The following ACSS3 variants were observed in gnomAD, a reference collection of about 807,000 sequenced individuals.
The protein encoded by ACSS3 is acyl-CoA synthetase short-chain family member 3, mitochondrial.
In ACSS3, 64 loss-of-function variants were observed where a neutral mutation model predicts 84.2. That is an observed-to-expected ratio of 0.76 (90% CI 0.62 to 0.94). The LOEUF (loss-of-function observed/expected upper bound fraction) is 0.94. Ranked by LOEUF, ACSS3 falls within the 40% of genes least tolerant of loss-of-function variation. ACSS3 has a pLI of 0.00. For missense variants in ACSS3, 815 were observed against 867.6 expected (o/e 0.94, Z 0.76); for synonymous variants, 317 against 310.1 (o/e 1.02, Z -0.23).
rs1385226528 is a variant in ACSS3, at chr12:81,078,344, G to A, written c.224G>A (p.Arg75Lys). The A allele has an allele frequency of 6.2e-7, 1 of 1,612,706 alleles. No homozygotes were observed. The highest frequency in any genetic ancestry group is 1.3e-5 in the African/African-American group (1 of 75,020). The part of the protein sequence containing the change: ...HFAASVTDPE[R>K]FWGKAAEQIS... The stretch of plus-strand genomic sequence containing the variant: ...GCAGCCTCGGTGACCGACCCCGAGA[G>A]GTTCTGGGGCAAAGCTGCCGAGCAG... Residue 75 changes from arginine to lysine, a missense_variant, in exon 1 of 16, where the codon AGG (arginine) becomes AAG (lysine). Transcript: ENST00000548058.
At position 81,253,563 on chromosome 12, in the gene ACSS3, G is replaced by A; in HGVS notation, c.1888G>A (p.Val630Met). Residue 630 changes from valine (V) to methionine (M), a missense_variant, in exon 15 of 16, where the codon GTG becomes ATG. By Grantham distance (21) the Val-to-Met change is conservative. Coordinates refer to ENST00000548058, the MANE Select transcript of ACSS3 (RefSeq NM_024560.4). ...ACACGTTAGACAGAACATTGGCCCT[G>A]TGGCTGCTTTTCGAAATGCAGTGTT... ...VKHVRQNIGPVAAFRNAVFVK... is the reference protein window; with the variant it reads ...VKHVRQNIGPMAAFRNAVFVK... 1 of 1,613,980 alleles carries A rather than the reference G, an allele frequency of 6.2e-7. No individual in the cohort carries two copies. The highest frequency in any genetic ancestry group is 8.5e-7 in the Non-Finnish European group (1 of 1,179,934).
chr12:81,094,454 T>C (rs553207112), intron 1 of ACSS3: 6 of 152,190 alleles, frequency 3.9e-5, no homozygotes, highest in Non-Finnish European at 7.4e-5. Flanking sequence ...CAATTGACGC[T>C]CCCTGTGTAT....
Position 81,152,111 on chromosome 12 carries a change from T to G in ACSS3, c.1098+15T>G. The G allele has an allele frequency of 6.3e-7, 1 of 1,577,562 alleles. No homozygotes were observed. Among genetic ancestry groups the G allele is most frequent in the Non-Finnish European group, 8.7e-7 (1 of 1,151,546 alleles). ...TTTTATATGAGGTAATAAAGTAAAG[T>G]TAATACCACATATAAATGATATTTA... On this transcript the variant is annotated intron_variant, in intron 7 of 15. Transcript: ENST00000548058.
intron 13 of ACSS3, among the ~76,000 whole-genome samples, chr12:81,239,569 G>C (rs2033727572): frequency 1.3e-5 from 2 of 151,896 alleles, no homozygotes. Context: ...GCAAAGTCAT[G>C]TCTTACATGG....
rs886500365 is a variant in ACSS3, at chr12:81,242,513, C to G, written c.1719+9042C>G. On this transcript the variant is annotated intron_variant, in intron 13 of 15. Transcript: ENST00000548058. ...ATCCTCCCTAACTCATTTTATGAGGCCAGCATCATCCTGATACCAAAGCTG... is the reference window on the plus strand; with the variant it reads ...ATCCTCCCTAACTCATTTTATGAGGGCAGCATCATCCTGATACCAAAGCTG... Among the ~76,000 whole-genome samples the G allele has an allele frequency of 1.3e-4, 20 of 150,790 alleles. No individual in the cohort carries two copies. In the East Asian group the frequency reaches 3.9e-3, roughly 29 times the overall value.
chr12:81,157,931 TACACACACACACACAC>T (rs35855433), intron 7 of ACSS3, among the ~76,000 whole-genome samples: 5 of 144,130 alleles, frequency 3.5e-5, no homozygotes, highest in African/African-American at 1.0e-4. Flanking sequence ...GATTACAGAA[TACACACACACACACAC>T]ACACACACAC....
chr12:81,244,485 G>A lies in ACSS3; in HGVS notation c.1720-8822G>A, dbSNP rs143259562. 2.6e-3 allele frequency among the ~76,000 whole-genome samples: 400 copies of A among 151,480 alleles called. 1 individual carries two copies. The highest frequency in any genetic ancestry group is 0.015 in the South Asian group (70 of 4,794). ...ATTTCTTTCTTTTCCTCTCATTACC[G>A]CTATTATGTGTTTGTTACAGCTTTT... On this transcript the variant is annotated intron_variant, in intron 13 of 15. Transcript: ENST00000548058.
chr12:81,188,798 G>A (rs1232145329), intron 8 of ACSS3, among the ~76,000 whole-genome samples: 1 of 151,796 alleles, frequency 6.6e-6, no homozygotes, highest in African/African-American at 2.4e-5. Context: ...TTTTTAAGTT[G>A]GCAGATACAG....
At chr12:81,135,707 C>T (rs1040354829) in intron 3 of ACSS3, among the ~76,000 whole-genome samples, 4 of 151,784 alleles carry the variant, frequency 2.6e-5, no homozygotes, top group Non-Finnish European at 5.9e-5. Context: ...TGAAAAACTA[C>T]CTATTGGATA....
chr12:81,227,920 C>G (rs2033325130), intron 11 of ACSS3, among the ~76,000 whole-genome samples: 1 of 151,692 alleles, frequency 6.6e-6, no homozygotes, highest in Non-Finnish European at 1.5e-5. Flanking sequence ...ATTCTCTTCG[C>G]TGCCATTTCC....
In ACSS3 at chr12:81,258,371, G is replaced by T. The variant is rs2034412382; in HGVS notation, c.*3449G>T. On this transcript the variant is annotated 3_prime_UTR_variant, in exon 16 of 16. Coordinates refer to ENST00000548058, the MANE Select transcript of ACSS3 (RefSeq NM_024560.4). Reference sequence around the variant, plus strand: ...AGACATCAAAACAAATGTAATGTACGTGCAAACATAGCAAATTAAAATACA... The same window carrying T: ...AGACATCAAAACAAATGTAATGTACTTGCAAACATAGCAAATTAAAATACA... 1 of 152,158 alleles carries T rather than the reference G, an allele frequency of 6.6e-6. No individual in the cohort carries two copies. Among genetic ancestry groups the T allele is most frequent in the East Asian group, 1.9e-4 (1 of 5,178 alleles). The allele number at this position is 152,158 out of a possible 1,614,324, so 9.4% of individuals were successfully genotyped here. A position where few individuals can be genotyped will look rare whatever the true frequency, so the allele number is the denominator to read the frequency against.
chr12:81,086,280 A>G (rs754576678), intron 1 of ACSS3, among the ~76,000 whole-genome samples: 2 of 152,224 alleles, frequency 1.3e-5, no homozygotes, highest in African/African-American at 4.8e-5. Flanking sequence ...TCATTATTTT[A>G]TAGATTTAAA....
At chr12:81,088,920 A>G (rs1041639641) in intron 1 of ACSS3, among the ~76,000 whole-genome samples, 2 of 152,018 alleles carry the variant, frequency 1.3e-5, no homozygotes, top group South Asian at 4.1e-4. Context: ...CTTTGAAAAA[A>G]TAAACTTTTA....
intron 2 of ACSS3, among the ~76,000 whole-genome samples, chr12:81,112,155 A>G (rs1396187060): frequency 6.6e-6 from 1 of 152,174 alleles, no homozygotes; most frequent in African/African-American, 2.4e-5. Flanking sequence ...TTGCATTTTC[A>G]TCTTAGAAGA....
At chr12:81,105,016 C>T (rs562333744) in intron 1 of ACSS3, among the ~76,000 whole-genome samples, 1 of 152,026 alleles carries the variant, frequency 6.6e-6, no homozygotes, top group South Asian at 2.1e-4. Context: ...TCTGCAGACC[C>T]GAGATGTAAT....
intron 13 of ACSS3, among the ~76,000 whole-genome samples, chr12:81,237,753 T>C (rs1270830519): frequency 2.0e-5 from 3 of 151,750 alleles, no homozygotes; most frequent in African/African-American, 4.8e-5. Context: ...TCTACATATA[T>C]ACGATCAGGT....
chr12:81,232,494 A>G (rs1274060243), intron 12 of ACSS3, among the ~76,000 whole-genome samples: 2 of 151,738 alleles, frequency 1.3e-5, no homozygotes, highest in Non-Finnish European at 2.9e-5. Flanking sequence ...ACTCTTAACT[A>G]CTACTCTAGA....
intron 1 of ACSS3, among the ~76,000 whole-genome samples, chr12:81,085,499 C>T (rs1232261056): frequency 6.6e-6 from 1 of 152,158 alleles, no homozygotes; most frequent in Admixed American, 6.5e-5. Context: ...GCCTTTTCTA[C>T]ATATGAGGGA....
At position 81,230,569 on chromosome 12, in the gene ACSS3, C is replaced by T. The variant is rs139665868; in HGVS notation, c.1515-488C>T. Among the ~76,000 whole-genome samples the T allele has an allele frequency of 1.1e-4, 16 of 151,876 alleles. No homozygotes were observed. In the East Asian group the frequency reaches 3.1e-3, roughly 30 times the overall value. ...GGAGGAAGCAGTGAGAGAGAATTCCCAGCGGAGGGAGGCATATTGATTATG... is the reference window on the plus strand; with the variant it reads ...GGAGGAAGCAGTGAGAGAGAATTCCTAGCGGAGGGAGGCATATTGATTATG... On this transcript the variant is annotated intron_variant, in intron 11 of 15. Coordinates refer to ENST00000548058, the MANE Select transcript of ACSS3 (RefSeq NM_024560.4).
Sources: allele counts gnomAD v4.1 joint callset (sites outside exome capture counted in the v4.1 genomes callset), GRCh38; gene constraint gnomAD v4.1.1; transcripts MANE v1.5; gene names NCBI Gene and HGNC (gene_info 2026-07-23, HGNC 2026-07-21).